Variants in NSD1 observed in about 807,000 individuals in gnomAD.
NSD1 encodes the protein nuclear receptor binding SET domain protein 1.
NSD1 carries 26 observed loss-of-function variants against 242.7 expected under a neutral mutation model. The observed-to-expected ratio is 0.11, with a 90% CI of 0.08 to 0.15. The LOEUF is 0.15. NSD1 is among the 10% of genes least tolerant of loss of function. The pLI, the probability that NSD1 is intolerant of heterozygous loss-of-function variation, is 1.00. For synonymous variants in NSD1, 1,106 were observed against 1,178.1 expected, an observed-to-expected ratio of 0.94 and a Z score of 1.25; for missense variants, 2,495 against 3,272.8, an observed-to-expected ratio of 0.76 and a Z score of 5.80.
At position 177,133,891 on chromosome 5, in the gene NSD1, ACCCCAGTGTAATGAGGGTCACCCCCTCC is replaced by A. The variant is rs1441239728; in HGVS notation, c.-72_-45del. The A allele has an allele frequency of 6.7e-6, 1 of 148,274 alleles. No individual in the cohort carries two copies. Among genetic ancestry groups the A allele is most frequent in the African/African-American group, 2.5e-5 (1 of 39,796 alleles). 9.2% of individuals were successfully genotyped at this position (148,274 alleles called of 1,614,324 possible). On this transcript the variant is annotated 5_prime_UTR_variant, in exon 1 of 23. The change abolishes an upstream ATG in the 5' untranslated region. Transcript: ENST00000439151. This position sits in a 1 kb window ranked among gnomAD's most constrained non-coding sequence, Gnocchi z 6.2. ...GCTCTCTCCCCACCGCTCCGCTCGC[ACCCCAGTGTAATGAGGGTCACCCCCTCC>A]CCCCAGCTGGCCCGGGAGGGGGCGC...
intron 5 of NSD1, among the ~76,000 whole-genome samples, chr5:177,216,330 T>A (rs576149851): frequency 1.3e-5 from 2 of 152,310 alleles, no homozygotes; most frequent in South Asian, 2.1e-4. Context: ...TAGAAGTTAA[T>A]GTGATTTTTT....
At chr5:177,202,758 G>A (rs1292725037) in intron 3 of NSD1, among the ~76,000 whole-genome samples, 2 of 152,024 alleles carry the variant, frequency 1.3e-5, no homozygotes. Context: ...ACACACATGT[G>A]TATATTAACC....
chr5:177,210,649 T>G lies in NSD1; in HGVS notation c.2250T>G (p.Ala750=), dbSNP rs866299938. Residue 750 remains alanine (A), a synonymous_variant, in exon 5 of 23, where the codon GCT becomes GCG. Transcript: ENST00000439151. The part of the protein sequence containing the change: ...HKPQSDFTND[A]LSPKFNLSSS... ...CCCAGTCAGATTTTACAAATGATGC[T>G]CTCTCTCCAAAATTCAACCTGTCAT... 2.5e-6 allele frequency: 4 copies of G among 1,613,986 alleles called. No homozygotes were observed. Among genetic ancestry groups the G allele is most frequent in the Non-Finnish European group, 3.4e-6 (4 of 1,180,014 alleles).
chr5:177,228,810 G>A (rs766863371), intron 5 of NSD1, among the ~76,000 whole-genome samples: 17 of 152,132 alleles, frequency 1.1e-4, no homozygotes, highest in South Asian at 6.2e-4. Flanking sequence ...TGTGAAATTC[G>A]TACATTTTAT....
intron 2 of NSD1, among the ~76,000 whole-genome samples, chr5:177,186,511 A>G (rs183434785): frequency 6.6e-6 from 1 of 152,286 alleles, no homozygotes; most frequent in Non-Finnish European, 1.5e-5. Context: ...AACTGTTGCT[A>G]GAAAAATTCA....
In NSD1 at chr5:177,135,119, G is replaced by A; in HGVS notation, c.16G>A (p.Glu6Lys). The A allele has an allele frequency of 6.2e-7, 1 of 1,614,134 alleles. No individual in the cohort carries two copies. The highest frequency in any genetic ancestry group is 8.5e-7 in the Non-Finnish European group (1 of 1,180,024). Residue 6 changes from glutamate (E) to lysine (K), a missense_variant, in exon 2 of 23, where the codon GAA (glutamate) becomes AAA (lysine). Transcript: ENST00000439151. ...CCGGCCCAGGATGGATCAGACCTGT[G>A]AACTACCCAGAAGAAATTGTCTGCT... MDQTCELPRRNCLLPF... is the reference protein window; with the variant it reads MDQTCKLPRRNCLLPF...
intron 2 of NSD1, among the ~76,000 whole-genome samples, chr5:177,141,297 G>A (rs949383505): frequency 6.7e-6 from 1 of 148,206 alleles, no homozygotes; most frequent in Non-Finnish European, 1.5e-5. Context: ...TGGGATTACA[G>A]GCGTGAGCCA....
chr5:177,140,093 G>A (rs909538395), intron 2 of NSD1, among the ~76,000 whole-genome samples: 2 of 152,140 alleles, frequency 1.3e-5, no homozygotes, highest in Admixed American at 6.6e-5. Context: ...CTCTTGTCAC[G>A]AATTAGTAGC....
chr5:177,230,516 T>A (rs1361173909), intron 5 of NSD1, among the ~76,000 whole-genome samples: 1 of 151,370 alleles, frequency 6.6e-6, no homozygotes, highest in Non-Finnish European at 1.5e-5. Flanking sequence ...AAAGGTAGAG[T>A]GGAAACAGCA....
At chr5:177,183,516 A>G (rs772099169) in intron 2 of NSD1, among the ~76,000 whole-genome samples, 23 of 152,284 alleles carry the variant, frequency 1.5e-4, no homozygotes, top group Non-Finnish European at 2.6e-4. Flanking sequence ...TTGTGTATAT[A>G]TATTTATGAT....
intron 2 of NSD1, among the ~76,000 whole-genome samples, chr5:177,141,708 T>C (rs1204236939): frequency 6.6e-6 from 1 of 152,184 alleles, no homozygotes; most frequent in African/African-American, 2.4e-5. Context: ...TTCACTTTCA[T>C]TGATTCTGCT....
At chr5:177,166,437 A>G (rs1217143768) in intron 2 of NSD1, among the ~76,000 whole-genome samples, 5 of 151,984 alleles carry the variant, frequency 3.3e-5, no homozygotes, top group Non-Finnish European at 2.9e-5. Flanking sequence ...AGTCTGAGCT[A>G]CTGGGGAGGC....
At chr5:177,206,857 TA>T (rs5873569) in intron 4 of NSD1, among the ~76,000 whole-genome samples, 38,655 of 145,914 alleles carry the variant, frequency 0.26, 6,216 homozygotes, top group East Asian at 0.51. Context: ...TTTCTGTGCT[TA>T]AAAAAAAAAA....
At chr5:177,251,933 C>A in intron 12 of NSD1, 80 bp downstream of exon 12, 1 of 1,575,562 alleles carries the variant, frequency 6.3e-7, no homozygotes, top group Non-Finnish European at 8.7e-7. Context: ...ATTGGAGACA[C>A]TATTTTGTGG....
At chr5:177,170,255 A>C (rs1370492720) in intron 2 of NSD1, among the ~76,000 whole-genome samples, 1 of 151,628 alleles carries the variant, frequency 6.6e-6, no homozygotes, top group Non-Finnish European at 1.5e-5. Context: ...TACAGGTGTG[A>C]GCCACCGCGC....
intron 2 of NSD1, among the ~76,000 whole-genome samples, chr5:177,160,383 C>T (rs1005784106): frequency 6.6e-6 from 1 of 152,058 alleles, no homozygotes; most frequent in Non-Finnish European, 1.5e-5. Context: ...TCGCTGCAGC[C>T]TCCACCTCCC....
intron 5 of NSD1, among the ~76,000 whole-genome samples, chr5:177,218,014 G>A (rs1263192943): frequency 1.3e-5 from 2 of 152,032 alleles, no homozygotes; most frequent in East Asian, 1.9e-4. Context: ...CCAGGCTCAA[G>A]CAATACTCCC....
At chr5:177,165,633 C>T (rs935454457) in intron 2 of NSD1, among the ~76,000 whole-genome samples, 3 of 152,076 alleles carry the variant, frequency 2.0e-5, no homozygotes, top group African/African-American at 7.2e-5. Flanking sequence ...TACTCTGTTG[C>T]CCAGGCTAGA....
rs1330940694 is a variant in NSD1, at chr5:177,238,059, C to T, written c.3922-178C>T. The stretch of plus-strand genomic sequence containing the variant: ...GATACCTCATATACTTGAAATCATA[C>T]GATATTTGTTCTTTGTGTCTTAAGT... On this transcript the variant is annotated intron_variant, in intron 6 of 22. Transcript: ENST00000439151. The surrounding 1 kb of genome is among the most constrained non-coding windows in gnomAD (Gnocchi z 4.6). Among the ~76,000 whole-genome samples the T allele has an allele frequency of 2.0e-5, 3 of 151,908 alleles. No individual in the cohort carries two copies. Among genetic ancestry groups the T allele is most frequent in the Non-Finnish European group, 4.4e-5 (3 of 67,966 alleles).
Sources: allele counts gnomAD v4.1 joint callset (sites outside exome capture counted in the v4.1 genomes callset), GRCh38; gene constraint gnomAD v4.1.1; non-coding constraint Gnocchi (gnomAD v3.1); transcripts MANE v1.5; gene names NCBI Gene and HGNC (gene_info 2026-07-23, HGNC 2026-07-21).